Variants in THAP10 observed in about 807,000 individuals in gnomAD.
THAP10 encodes THAP domain-containing protein 10.
THAP10 carries 10 observed loss-of-function variants against 15.7 expected under a neutral mutation model. The observed-to-expected ratio is 0.64, with a 90% CI of 0.39 to 1.08. The LOEUF is 1.08. Among genes scored for constraint, THAP10 ranks in the 50% least tolerant of loss-of-function variants. THAP10 has a pLI of 0.01. For missense variants in THAP10, 310 were observed against 330.9 expected, an observed-to-expected ratio of 0.94 and a Z score of 0.49; for synonymous variants, 127 against 129.1, an observed-to-expected ratio of 0.98 and a Z score of 0.11.
At position 70,891,960 on chromosome 15, in the gene THAP10, G is replaced by A. The variant is rs1474949515; in HGVS notation, c.313C>T (p.Gln105Ter). Residue 105 changes from glutamine (Q) to a stop codon, truncating the protein, a stop_gained, in exon 1 of 3, where the codon CAA (glutamine) becomes TAA (stop). Transcript: ENST00000249861. LOFTEE classifies it high-confidence loss of function. ...PAPKRGEEGD[Q>*]AGRLDTRGEL... ...CCTCGCGTGTCCAGGCGGCCTGCTTGGTCTCCCTCCTCTCCCCTCTTAGGT... is the reference window on the plus strand; with the variant it reads ...CCTCGCGTGTCCAGGCGGCCTGCTTAGTCTCCCTCCTCTCCCCTCTTAGGT... 4 of 1,613,402 alleles carry A rather than the reference G, an allele frequency of 2.5e-6. No individual in the cohort carries two copies. In the African/African-American group the frequency reaches 5.3e-5, roughly 22 times the overall value.
intron 1 of THAP10, 80 bp downstream of exon 1, chr15:70,891,764 C>T (rs560915001): frequency 1.5e-6 from 2 of 1,325,778 alleles, no homozygotes; most frequent in Admixed American, 5.6e-5. Context: ...GATGAGGTGC[C>T]TTTCCCAAGG....
Position 70,882,599 on chromosome 15 carries a change from G to C in THAP10, c.629C>G (p.Thr210Ser). 6.2e-7 allele frequency: 1 copy of C among 1,614,046 alleles called. No homozygotes were observed. The highest frequency in any genetic ancestry group is 8.5e-7 in the Non-Finnish European group (1 of 1,179,942). ...TCTAGACCACAATTCCTCTGTCTGA[G>C]TAGTTGCATTACACAGTCTTTTTCC... Reference protein sequence around the residue: ...AFGKRLCNATTQTEELWSRTS... With the variant: ...AFGKRLCNATSQTEELWSRTS... The change falls in exon 3 of 3, where the codon ACT (threonine) becomes AGT (serine). Residue 210 changes from threonine to serine, a missense_variant. Coordinates refer to ENST00000249861, the MANE Select transcript of THAP10 (RefSeq NM_020147.4).
rs1373581309 is a variant in THAP10 at position 70,892,199 on chromosome 15, T to C, written c.74A>G (p.Lys25Arg). 6.2e-7 allele frequency: 1 copy of C among 1,606,484 alleles called. No homozygotes were observed. The highest frequency in any genetic ancestry group is 1.3e-5 in the African/African-American group (1 of 74,824). ...CCAGAGCAGCCGCACGGCCCGGTCC[T>C]TGGGAAAGCGGAACAGCGACTTCCC... is the stretch of plus-strand genomic sequence containing the variant. ...KSGKSLFRFP[K>R]DRAVRLLWDR... The change falls in exon 1 of 3, where the codon AAG (lysine) becomes AGG (arginine). Residue 25 changes from lysine to arginine, a missense_variant. Lys to Arg is a conservative substitution (Grantham distance 26, BLOSUM62 2). Coordinates refer to ENST00000249861, the MANE Select transcript of THAP10 (RefSeq NM_020147.4).
intron 1 of THAP10, among the ~76,000 whole-genome samples, chr15:70,888,563 C>T (rs1241835660): frequency 6.6e-6 from 1 of 152,060 alleles, no homozygotes; most frequent in South Asian, 2.1e-4. Context: ...AAGTTTATTA[C>T]AAACAGCATA....
intron 1 of THAP10, among the ~76,000 whole-genome samples, chr15:70,883,413 C>T (rs2033319336): frequency 6.6e-6 from 1 of 152,064 alleles, no homozygotes; most frequent in Non-Finnish European, 1.5e-5. Context: ...AGGCTGGTCT[C>T]GAACTCCTAA....
intron 1 of THAP10, among the ~76,000 whole-genome samples, chr15:70,891,067 C>T (rs899019944): frequency 6.6e-6 from 1 of 152,124 alleles, no homozygotes; most frequent in South Asian, 2.1e-4. Context: ...GTAAGGATTA[C>T]AGACCCCTGA....
intron 1 of THAP10, among the ~76,000 whole-genome samples, chr15:70,884,521 AAC>A (rs1321114778): frequency 6.6e-6 from 1 of 152,130 alleles, no homozygotes; most frequent in Non-Finnish European, 1.5e-5. Flanking sequence ...CTCTGTTTCA[AAC>A]ACACACATAT....
Position 70,892,211 on chromosome 15 carries a change from A to G in THAP10, c.62T>C (p.Phe21Ser). The G allele has an allele frequency of 1.2e-6, 2 of 1,602,066 alleles. No individual in the cohort carries two copies. Among genetic ancestry groups the G allele is most frequent in the Non-Finnish European group, 1.7e-6 (2 of 1,174,044 alleles). ...CACGGCCCGGTCCTTGGGAAAGCGG[A>G]ACAGCGACTTCCCAGACTTGGTGGT... is the stretch of plus-strand genomic sequence containing the variant. ...GNTTKSGKSL[F>S]RFPKDRAVRL... The change falls in exon 1 of 3, where the codon TTC (phenylalanine) becomes TCC (serine). Residue 21 changes from phenylalanine (F) to serine (S), a missense_variant. Physicochemically the swap from Phe to Ser is radical, Grantham distance 155. Coordinates refer to ENST00000249861, the MANE Select transcript of THAP10 (RefSeq NM_020147.4).
Position 70,891,879 on chromosome 15 carries a change from G to A in THAP10, c.394C>T (p.Arg132Cys), listed in dbSNP as rs756661106. The A allele has an allele frequency of 1.6e-5, 25 of 1,610,366 alleles. 1 individual carries two copies. In the South Asian group the frequency reaches 2.4e-4, roughly 16 times the overall value. ...GCAGCCTGCTTCCCAGCTCGGGGGCGTGTACAGGAGACTGGACCTGGGGCA... is the reference window on the plus strand; with the variant it reads ...GCAGCCTGCTTCCCAGCTCGGGGGCATGTACAGGAGACTGGACCTGGGGCA... ...EAAPGPVSCTRPRAGKQAAAS... is the reference protein window; with the variant it reads ...EAAPGPVSCTCPRAGKQAAAS... Residue 132 changes from arginine (R) to cysteine (C), a missense_variant, in exon 1 of 3, where the codon CGC becomes TGC. Transcript: ENST00000249861.
chr15:70,882,688 T>C, intron 2 of THAP10, 38 bp from the exon 3 acceptor site: 1 of 1,611,848 alleles, frequency 6.2e-7, no homozygotes, highest in Non-Finnish European at 8.5e-7. Context: ...TGAGTTAGAC[T>C]TTGCTTTTCA....
At chr15:70,883,846 A>G (rs1032256337) in intron 1 of THAP10, among the ~76,000 whole-genome samples, 4 of 150,480 alleles carry the variant, frequency 2.7e-5, no homozygotes, top group Admixed American at 6.6e-5. Flanking sequence ...AGTAGAGACA[A>G]TGTTTCACCA....
Position 70,892,146 on chromosome 15 carries a change from C to G in THAP10, c.127G>C (p.Asp43His), listed in dbSNP as rs1344454685. The change falls in exon 1 of 3, where the codon GAC (aspartate) becomes CAC (histidine). Residue 43 changes from aspartate to histidine, a missense_variant. Transcript: ENST00000249861. ...GAGCGGTCATTGCCTCCGTACCAGT[C>G]GGCGCGGCAACCCCGCACGAAGCGG... ...WDRFVRGCRA[D>H]WYGGNDRSVI... The G allele has an allele frequency of 6.2e-7, 1 of 1,613,368 alleles. No individual in the cohort carries two copies. The highest frequency in any genetic ancestry group is 8.5e-7 in the Non-Finnish European group (1 of 1,179,744).
chr15:70,889,358 T>TC (rs200790839), intron 1 of THAP10, among the ~76,000 whole-genome samples: 6,158 of 147,442 alleles, frequency 0.042, 297 homozygotes, highest in African/African-American at 0.12. Flanking sequence ...TTATATGAAA[T>TC]CCCCCCCCCA....
In THAP10 at chr15:70,892,330, C is replaced by G. The variant is rs1434466706; in HGVS notation, c.-58G>C. The G allele has an allele frequency of 6.5e-7, 1 of 1,549,412 alleles. No individual in the cohort carries two copies. The highest frequency in any genetic ancestry group is 8.7e-7 in the Non-Finnish European group (1 of 1,146,850). On this transcript the variant is annotated 5_prime_UTR_variant, in exon 1 of 3. Coordinates refer to ENST00000249861, the MANE Select transcript of THAP10 (RefSeq NM_020147.4). ...CCCTGGACCTTCGCCCTTGGGCACG[C>G]TCCTCGCAGCGGCCTCGGCGAGGCA... is the stretch of plus-strand genomic sequence containing the variant.
intron 1 of THAP10, among the ~76,000 whole-genome samples, chr15:70,884,028 T>A (rs538030693): frequency 1.2e-4 from 19 of 152,096 alleles, no homozygotes; most frequent in Admixed American, 8.5e-4. Flanking sequence ...ATGTAAAAGG[T>A]AATATAAGAC....
intron 1 of THAP10, among the ~76,000 whole-genome samples, chr15:70,889,265 A>G (rs1166608085): frequency 6.6e-6 from 1 of 152,218 alleles, no homozygotes; most frequent in Admixed American, 6.5e-5. Context: ...CTACTGTTCT[A>G]TGCAACAATA....
In THAP10 at chr15:70,887,786, G is replaced by A. The variant is rs181837035; in HGVS notation, c.429+4058C>T. Among the ~76,000 whole-genome samples the A allele has an allele frequency of 2.2e-4, 34 of 152,134 alleles. 1 individual carries two copies. Among genetic ancestry groups the A allele is most frequent in the African/African-American group, 6.3e-4 (26 of 41,534 alleles). On this transcript the variant is annotated intron_variant, in intron 1 of 2. Transcript: ENST00000249861. The stretch of plus-strand genomic sequence containing the variant: ...CGAAATAAAAACACGAATATCAAAC[G>A]CTTTTCTCAGATGATATTTTTGTAC...
At chr15:70,889,358 T>TTC (rs2033492643) in intron 1 of THAP10, among the ~76,000 whole-genome samples, 1 of 147,372 alleles carries the variant, frequency 6.8e-6, no homozygotes, top group African/African-American at 2.5e-5. Flanking sequence ...TTATATGAAA[T>TTC]CCCCCCCCCA....
intron 1 of THAP10, among the ~76,000 whole-genome samples, chr15:70,884,038 C>A (rs1186777643): frequency 2.0e-5 from 3 of 152,026 alleles, no homozygotes; most frequent in African/African-American, 4.8e-5. Flanking sequence ...TAATATAAGA[C>A]AGGGTACCTA....
Sources: gnomAD v4.1 joint callset for allele counts (sites outside exome capture counted in the v4.1 genomes callset) on GRCh38, gnomAD v4.1.1 for gene constraint, MANE v1.5 for transcripts, NCBI Gene and HGNC (gene_info 2026-07-23, HGNC 2026-07-21) for gene names.